MGAT5: variants seen among roughly 807,000 people sequenced by gnomAD.
MGAT5 encodes alpha-1,6-mannosylglycoprotein 6-beta-N-acetylglucosaminyltransferase A.
A neutral mutation model predicts 94.3 loss-of-function variants in MGAT5; 30 were observed. The ratio of observed to expected loss-of-function variants is 0.32; its 90% CI spans 0.24 to 0.43. MGAT5 has a LOEUF of 0.43. MGAT5 is among the 20% of genes least tolerant of loss of function. MGAT5 has a pLI of 1.00. For synonymous variants in MGAT5, 310 were observed against 322.9 expected (o/e 0.96, Z 0.43); for missense variants, 691 against 905.5 (o/e 0.76, Z 3.04).
intron 15 of MGAT5, among the ~76,000 whole-genome samples, chr2:134,442,449 C>T (rs1247081514): frequency 2.6e-5 from 4 of 152,166 alleles, no homozygotes; most frequent in Admixed American, 2.0e-4. Context: ...CCTTCTCCTG[C>T]GGCCTGTTCC....
chr2:134,152,135 C>T (rs1391875592), intron 1 of MGAT5, among the ~76,000 whole-genome samples: 1 of 137,758 alleles, frequency 7.3e-6, no homozygotes, highest in Non-Finnish European at 1.6e-5. Flanking sequence ...CTCACTCATC[C>T]CCTCTGGGAC....
chr2:134,442,649 C>G (rs1407900213), intron 15 of MGAT5, among the ~76,000 whole-genome samples: 1 of 152,150 alleles, frequency 6.6e-6, no homozygotes, highest in Non-Finnish European at 1.5e-5. Flanking sequence ...TTTCCTTTCC[C>G]TTTGCATTGG....
At chr2:134,183,658 G>T (rs931015852) in intron 1 of MGAT5, among the ~76,000 whole-genome samples, 4 of 152,218 alleles carry the variant, frequency 2.6e-5, no homozygotes, top group African/African-American at 9.6e-5. Flanking sequence ...GGAGCACTCA[G>T]TTTGAAGGCC....
intron 1 of MGAT5, among the ~76,000 whole-genome samples, chr2:134,263,707 A>C (rs930599411): frequency 6.6e-6 from 1 of 152,188 alleles, no homozygotes; most frequent in African/African-American, 2.4e-5. Context: ...TACTGGTGGC[A>C]CTATCTTTGA....
At position 134,151,931 on chromosome 2, in the gene MGAT5, C is replaced by T. The variant is rs544606980; in HGVS notation, c.-143+31640C>T. Among the ~76,000 whole-genome samples, 15 of 133,810 alleles carry T rather than the reference C, an allele frequency of 1.1e-4. 1 individual carries two copies. Among genetic ancestry groups the T allele is most frequent in the Middle Eastern group, 5.6e-3 (1 of 178 alleles). The allele number at this position is 133,810 out of a possible 152,430, so 87.8% of individuals were successfully genotyped here. A position where few individuals can be genotyped will look rare whatever the true frequency, so the allele number is the denominator to read the frequency against. The stretch of plus-strand genomic sequence containing the variant: ...GACCTCACTCACGCCCTGTGGGACC[C>T]GCCCACCGCCATGGGACCTCACTCA... On this transcript the variant is annotated intron_variant, in intron 1 of 16. Transcript: ENST00000409645.
intron 14 of MGAT5, among the ~76,000 whole-genome samples, chr2:134,434,647 G>A (rs1191627147): frequency 6.6e-6 from 1 of 151,368 alleles, no homozygotes; most frequent in Non-Finnish European, 1.5e-5. Flanking sequence ...TCTGCAAAGC[G>A]CCATGTTAGA....
At chr2:134,216,260 T>C (rs970750870) in intron 1 of MGAT5, among the ~76,000 whole-genome samples, 5 of 152,236 alleles carry the variant, frequency 3.3e-5, no homozygotes, top group African/African-American at 9.6e-5. Context: ...GGGACACTTA[T>C]AGTTCTATAC....
At chr2:134,408,476 ATCAGCCAGCTGG>A (rs1386457559) in intron 11 of MGAT5, among the ~76,000 whole-genome samples, 4 of 152,184 alleles carry the variant, frequency 2.6e-5, no homozygotes, top group Non-Finnish European at 5.9e-5. Context: ...GCTTGGCATA[ATCAGCCAGCTGG>A]TCTTCAGGAA....
chr2:134,434,486 A>G (rs1251620103), intron 14 of MGAT5, among the ~76,000 whole-genome samples: 1 of 152,198 alleles, frequency 6.6e-6, no homozygotes, highest in Non-Finnish European at 1.5e-5. Context: ...ACCAGATTGG[A>G]AATTACTGTT....
At chr2:134,212,924 T>C (rs939260872) in intron 1 of MGAT5, among the ~76,000 whole-genome samples, 2 of 152,236 alleles carry the variant, frequency 1.3e-5, no homozygotes, top group African/African-American at 4.8e-5. Context: ...TGAGCCAGCT[T>C]GAATGCCGAG....
rs1686130008 is a variant in MGAT5, at chr2:134,451,935, C to T, written c.*3088C>T. On this transcript the variant is annotated 3_prime_UTR_variant, in exon 16 of 16. Transcript: ENST00000281923. ...ACTGGGTTTGTGTCACTGCTCATTACAGTTTGCTTTTTTGTGTGTTTGCTG... is the reference window on the plus strand; with the variant it reads ...ACTGGGTTTGTGTCACTGCTCATTATAGTTTGCTTTTTTGTGTGTTTGCTG... 1.3e-5 allele frequency: 2 copies of T among 152,160 alleles called. No individual in the cohort carries two copies. Among genetic ancestry groups the T allele is most frequent in the Admixed American group, 1.3e-4 (2 of 15,278 alleles). The allele number at this position is 152,160 out of a possible 1,614,324, so 9.4% of individuals were successfully genotyped here.
intron 1 of MGAT5, among the ~76,000 whole-genome samples, chr2:134,152,129 CTCATCCCCTCT>C (rs1687232925): frequency 6.8e-6 from 1 of 147,438 alleles, no homozygotes. Flanking sequence ...ACCTCACTCA[CTCATCCCCTCT>C]GGGACCCACC....
intron 1 of MGAT5, among the ~76,000 whole-genome samples, chr2:134,216,353 T>C (rs1680497737): frequency 6.6e-6 from 1 of 152,108 alleles, no homozygotes; most frequent in Admixed American, 6.6e-5. Flanking sequence ...GATTTTCAGG[T>C]TTTGAGTGGG....
At chr2:134,315,751 A>G (rs1045382706) in intron 2 of MGAT5, among the ~76,000 whole-genome samples, 19 of 152,212 alleles carry the variant, frequency 1.2e-4, no homozygotes, top group Non-Finnish European at 1.2e-4. Context: ...TTTACAGATC[A>G]TGCAACAGGG....
intron 1 of MGAT5, among the ~76,000 whole-genome samples, chr2:134,147,049 T>A (rs1348811678): frequency 1.3e-4 from 20 of 152,244 alleles, no homozygotes; most frequent in Admixed American, 1.3e-3. Flanking sequence ...ATAACTGGAA[T>A]TTCAACATGA....
chr2:134,191,703 G>A (rs999040273), intron 1 of MGAT5, among the ~76,000 whole-genome samples: 3 of 142,096 alleles, frequency 2.1e-5, no homozygotes, highest in Non-Finnish European at 4.6e-5. Context: ...TGGCGTGAGC[G>A]GGTTCCTGAT....
chr2:134,326,120 C>T (rs888963254), intron 4 of MGAT5, among the ~76,000 whole-genome samples: 2 of 149,060 alleles, frequency 1.3e-5, no homozygotes, highest in Admixed American at 1.3e-4. Flanking sequence ...ATTAAAGGTA[C>T]CTTCTTAATA....
At chr2:134,439,273 G>T (rs116388705) in intron 14 of MGAT5, among the ~76,000 whole-genome samples, 289 of 152,318 alleles carry the variant, frequency 1.9e-3, no homozygotes, top group Middle Eastern at 0.01. Context: ...GCTTCAGACT[G>T]TTAGGTATTT....
At chr2:134,260,046 A>G (rs7586139) in intron 1 of MGAT5, among the ~76,000 whole-genome samples, 59,697 of 151,820 alleles carry the variant, frequency 0.39, 12,425 homozygotes, top group Middle Eastern at 0.57. Flanking sequence ...GAGCATGCCA[A>G]GGAGAAGGCA....
Sources: allele counts gnomAD v4.1 joint callset (sites outside exome capture counted in the v4.1 genomes callset), GRCh38; gene constraint gnomAD v4.1.1; transcripts MANE v1.5; gene names NCBI Gene and HGNC (gene_info 2026-07-23, HGNC 2026-07-21).